ARHGEF38: variants seen among roughly 807,000 people sequenced by gnomAD.
The protein encoded by ARHGEF38 is Rho guanine nucleotide exchange factor 38, also known as Rho guanine nucleotide exchange factor (GEF) 38.
In ARHGEF38, 79 loss-of-function variants were observed where a neutral mutation model predicts 79.9. That is an observed-to-expected ratio of 0.99 (90% CI 0.82 to 1.19). The LOEUF (loss-of-function observed/expected upper bound fraction) is 1.19, where lower values mean the gene tolerates loss of function less well. ARHGEF38 is among the 50% of genes most tolerant of loss of function. ARHGEF38 has a pLI of 0.00. For synonymous variants in ARHGEF38, 366 were observed against 328.3 expected, an observed-to-expected ratio of 1.11 and a Z score of -1.24; for missense variants, 962 against 907.2, an observed-to-expected ratio of 1.06 and a Z score of -0.78.
chr4:105,591,643 G>A (rs1727345919), intron 2 of ARHGEF38, among the ~76,000 whole-genome samples: 1 of 152,236 alleles, frequency 6.6e-6, no homozygotes. Flanking sequence ...ATAAAGAGGA[G>A]TAGCAAAGAA....
rs947330890 is a variant in ARHGEF38, at chr4:105,615,584, G to A, written c.508+2077G>A. 6.6e-5 allele frequency among the ~76,000 whole-genome samples: 10 copies of A among 152,250 alleles called. No homozygotes were observed. In the South Asian group the frequency reaches 8.3e-4, roughly 13 times the overall value. On this transcript the variant is annotated intron_variant, in intron 3 of 13. Transcript: ENST00000420470. Reference sequence around the variant, plus strand: ...GAGCATACTGATTTTAGTGTATTACGTAAGCATTCAGTCCACTTTAGCATT... The same window carrying A: ...GAGCATACTGATTTTAGTGTATTACATAAGCATTCAGTCCACTTTAGCATT...
intron 1 of ARHGEF38, among the ~76,000 whole-genome samples, chr4:105,569,228 G>A (rs1408415838): frequency 6.6e-6 from 1 of 152,108 alleles, no homozygotes; most frequent in Non-Finnish European, 1.5e-5. Flanking sequence ...TTTAGCTTTG[G>A]GGTAAATGAT....
intron 1 of ARHGEF38, among the ~76,000 whole-genome samples, chr4:105,578,209 A>G (rs1726597561): frequency 6.6e-6 from 1 of 152,136 alleles, no homozygotes; most frequent in South Asian, 2.1e-4. Flanking sequence ...CAGATCGTTT[A>G]ATTTCCATGT....
Position 105,679,600 on chromosome 4 carries a change from G to A in ARHGEF38, c.*1663G>A. 1 of 894,072 alleles carries A rather than the reference G, an allele frequency of 1.1e-6. No homozygotes were observed. The highest frequency in any genetic ancestry group is 1.9e-6 in the Non-Finnish European group (1 of 527,588). The allele number at this position is 894,072 out of a possible 1,614,324, so 55.4% of individuals were successfully genotyped here. On this transcript the variant is annotated 3_prime_UTR_variant, in exon 14 of 14. Transcript: ENST00000420470. ...TCTATCAGTATCTGAGCTGATGGTT[G>A]GAAAAAAATCAACAGCAGCATAAGA...
At chr4:105,588,773 T>C (rs558818350) in intron 1 of ARHGEF38, among the ~76,000 whole-genome samples, 163 of 152,350 alleles carry the variant, frequency 1.1e-3, no homozygotes, top group African/African-American at 3.8e-3. Flanking sequence ...CATGCAATTG[T>C]TTTCCATTTC....
At chr4:105,620,106 T>A (rs1249621056) in intron 3 of ARHGEF38, among the ~76,000 whole-genome samples, 1 of 152,182 alleles carries the variant, frequency 6.6e-6, no homozygotes, top group African/African-American at 2.4e-5. Flanking sequence ...TCTGAGGAAG[T>A]TGTCTGTACT....
In ARHGEF38 at chr4:105,552,914, T is replaced by C; in HGVS notation, c.149T>C (p.Leu50Ser). Residue 50 changes from leucine to serine, a missense_variant, in exon 1 of 14, where the codon TTG becomes TCG. By Grantham distance (145) the Leu-to-Ser change is moderately radical. Coordinates refer to ENST00000420470, the MANE Select transcript of ARHGEF38 (RefSeq NM_001242729.2). ...GTTTCTGGGGACCACTCTGGCACCT[T>C]GAGGAGGAGCCAATCTGACAGGACC... ...SSVSGDHSGTLRRSQSDRTEY... is the reference protein window; with the variant it reads ...SSVSGDHSGTSRRSQSDRTEY... 6.2e-7 allele frequency: 1 copy of C among 1,613,430 alleles called. No individual in the cohort carries two copies. Among genetic ancestry groups the C allele is most frequent in the South Asian group, 1.1e-5 (1 of 90,942 alleles).
At position 105,630,373 on chromosome 4, in the gene ARHGEF38, G is replaced by A. The variant is rs981531814; in HGVS notation, c.509-525G>A. On this transcript the variant is annotated intron_variant, in intron 3 of 13. Coordinates refer to ENST00000420470, the MANE Select transcript of ARHGEF38 (RefSeq NM_001242729.2). ...AGCGATTCTCCTGCCTCAGCCTCCC[G>A]AGTAGCTGGGGCTACAGGTCGCCTG... Among the ~76,000 whole-genome samples the A allele has an allele frequency of 9.3e-5, 14 of 151,186 alleles. No individual in the cohort carries two copies. The Admixed American group carries it at 9.3e-4, about 10-fold the overall frequency.
intron 1 of ARHGEF38, among the ~76,000 whole-genome samples, chr4:105,554,086 C>T (rs952566940): frequency 2.0e-5 from 3 of 151,930 alleles, no homozygotes; most frequent in Non-Finnish European, 4.4e-5. Context: ...CACTAAAGCA[C>T]AGCATCAATC....
chr4:105,640,974 G>A (rs1729594087), intron 5 of ARHGEF38, among the ~76,000 whole-genome samples: 1 of 151,992 alleles, frequency 6.6e-6, no homozygotes, highest in African/African-American at 2.4e-5. Flanking sequence ...TTCTTCCATT[G>A]TGCTGGACAC....
intron 7 of ARHGEF38, among the ~76,000 whole-genome samples, chr4:105,650,353 T>A (rs913151801): frequency 4.6e-5 from 7 of 152,172 alleles, no homozygotes; most frequent in Non-Finnish European, 1.0e-4. Context: ...CAATCTTGAG[T>A]ATATAGCTCT....
Position 105,660,483 on chromosome 4 carries a change from A to G in ARHGEF38, c.1545+1118A>G, listed in dbSNP as rs1172537791. ...GGATGGAGTTTCACTTTTGTTGCCCAGGTTGGAGTGCAAAGGCCCAATCTC... is the reference window on the plus strand; with the variant it reads ...GGATGGAGTTTCACTTTTGTTGCCCGGGTTGGAGTGCAAAGGCCCAATCTC... On this transcript the variant is annotated intron_variant, in intron 10 of 13. Coordinates refer to ENST00000420470, the MANE Select transcript of ARHGEF38 (RefSeq NM_001242729.2). Among the ~76,000 whole-genome samples, 3 of 147,780 alleles carry G rather than the reference A, an allele frequency of 2.0e-5. No homozygotes were observed. The East Asian group carries it at 5.9e-4, about 29-fold the overall frequency.
intron 1 of ARHGEF38, among the ~76,000 whole-genome samples, chr4:105,576,927 G>A (rs139940966): frequency 1.2e-4 from 19 of 152,098 alleles, no homozygotes; most frequent in African/African-American, 3.9e-4. Flanking sequence ...ATATTGACTC[G>A]TATATGTTTA....
Position 105,667,632 on chromosome 4 carries a change from C to T in ARHGEF38, c.2077C>T (p.Leu693Phe). 6.5e-7 allele frequency: 1 copy of T among 1,536,546 alleles called. No individual in the cohort carries two copies. Among genetic ancestry groups the T allele is most frequent in the Non-Finnish European group, 8.7e-7 (1 of 1,147,020 alleles). The change falls in exon 13 of 14, where the codon CTT becomes TTT. Residue 693 changes from leucine to phenylalanine, a missense_variant. Coordinates refer to ENST00000420470, the MANE Select transcript of ARHGEF38 (RefSeq NM_001242729.2). ...CAGCATTGGTGATAGCAGCTCATCTCTTAGTGGCACATGTGGAAAGTTTGA... is the reference window on the plus strand; with the variant it reads ...CAGCATTGGTGATAGCAGCTCATCTTTTAGTGGCACATGTGGAAAGTTTGA... ...ESSIGDSSSSLSGTCGKFETN... is the reference protein window; with the variant it reads ...ESSIGDSSSSFSGTCGKFETN...
chr4:105,637,192 A>C (rs1478234944), intron 5 of ARHGEF38, among the ~76,000 whole-genome samples: 3 of 152,142 alleles, frequency 2.0e-5, no homozygotes, highest in Non-Finnish European at 4.4e-5. Flanking sequence ...GAAGAAATAA[A>C]GAGCTTACAA....
intron 1 of ARHGEF38, among the ~76,000 whole-genome samples, chr4:105,559,428 T>C (rs555746872): frequency 2.5e-4 from 38 of 151,796 alleles, no homozygotes; most frequent in East Asian, 1.2e-3. Flanking sequence ...CATGCTGGAG[T>C]GTTCAGATCA....
chr4:105,608,496 A>G lies in ARHGEF38; in HGVS notation c.385-4888A>G, dbSNP rs1449084439. On this transcript the variant is annotated intron_variant, in intron 2 of 13. Transcript: ENST00000420470. ...ACATGTAATATTTTGATACAAATAT[A>G]CAATGTGCAATGATCAAATCTTAGT... Among the ~76,000 whole-genome samples the G allele has an allele frequency of 2.0e-5, 3 of 152,098 alleles. No individual in the cohort carries two copies. The East Asian group carries it at 5.8e-4, about 29-fold the overall frequency.
At chr4:105,653,980 A>C (rs1730218186) in intron 7 of ARHGEF38, 85 bp from the exon 8 acceptor site, 1 of 620,376 alleles carries the variant, frequency 1.6e-6, no homozygotes, top group African/African-American at 1.8e-5. Context: ...TTTCTTTTGT[A>C]ATGTGCTGGA....
At position 105,678,691 on chromosome 4, in the gene ARHGEF38, T is replaced by C. The variant is rs1431694034; in HGVS notation, c.*754T>C. ...GTGAAGTAATTTAATCCAAATCACA[T>C]TGCTATTAAGTGGTGGGCCTGGACT... is the stretch of plus-strand genomic sequence containing the variant. On this transcript the variant is annotated 3_prime_UTR_variant, in exon 14 of 14. Transcript: ENST00000420470. The C allele has an allele frequency of 6.6e-6, 1 of 152,146 alleles. No homozygotes were observed. The highest frequency in any genetic ancestry group is 1.5e-5 in the Non-Finnish European group (1 of 68,024). 9.4% of individuals were successfully genotyped at this position (152,146 alleles called of 1,614,324 possible).
Sources: gnomAD v4.1 joint callset for allele counts (sites outside exome capture counted in the v4.1 genomes callset) on GRCh38, gnomAD v4.1.1 for gene constraint, MANE v1.5 for transcripts, NCBI Gene and HGNC (gene_info 2026-07-23, HGNC 2026-07-21) for gene names.